CACNA1B: variants seen among roughly 807,000 people sequenced by gnomAD.
CACNA1B encodes voltage-dependent N-type calcium channel subunit alpha-1B.
In CACNA1B, 70 loss-of-function variants were observed where a neutral mutation model predicts 247.2. That is an observed-to-expected ratio of 0.28 (90% CI 0.23 to 0.35). The LOEUF (loss-of-function observed/expected upper bound fraction) is 0.35, where lower values mean the gene tolerates loss of function less well. CACNA1B is among the 10% of genes least tolerant of loss of function. CACNA1B has a pLI of 1.00. For synonymous variants in CACNA1B, 1,231 were observed against 1,294.4 expected, an observed-to-expected ratio of 0.95 and a Z score of 1.05; for missense variants, 2,367 against 3,197.4, an observed-to-expected ratio of 0.74 and a Z score of 6.26.
chr9:138,059,573 C>G lies in CACNA1B; in HGVS notation c.4585-81C>G. 2.4e-6 allele frequency: 2 copies of G among 847,304 alleles called. No individual in the cohort carries two copies. The highest frequency in any genetic ancestry group is 2.8e-5 in the South Asian group (2 of 70,334). 52.5% of individuals were successfully genotyped at this position (847,304 alleles called of 1,614,324 possible). Reference sequence around the variant, plus strand: ...CTATCACCCTCACCGCTTTCTTAATCAGGGCCACCACCTATATATACCTCT... The same window carrying G: ...CTATCACCCTCACCGCTTTCTTAATGAGGGCCACCACCTATATATACCTCT... On this transcript the variant is annotated intron_variant, in intron 30 of 46. Coordinates refer to ENST00000371372, the MANE Select transcript of CACNA1B (RefSeq NM_000718.4). The surrounding 1 kb of genome is among the most constrained non-coding windows in gnomAD (Gnocchi z 4.2).
intron 37 of CACNA1B, among the ~76,000 whole-genome samples, chr9:138,099,023 G>A (rs1453557381): frequency 6.6e-6 from 1 of 152,268 alleles, no homozygotes; most frequent in Non-Finnish European, 1.5e-5. Flanking sequence ...CAGTGATGTA[G>A]TCATTTCCCA....
intron 20 of CACNA1B, among the ~76,000 whole-genome samples, 174 bp from the exon 21 acceptor site, chr9:138,043,600 C>T (rs1185467888): frequency 6.6e-6 from 1 of 152,176 alleles, no homozygotes; most frequent in East Asian, 1.9e-4. Context: ...GTGGTCCTGG[C>T]TGTCGTGCGC....
At chr9:137,928,005 C>T (rs1378119035) in intron 6 of CACNA1B, among the ~76,000 whole-genome samples, 1 of 152,192 alleles carries the variant, frequency 6.6e-6, no homozygotes, top group East Asian at 1.9e-4. Flanking sequence ...ACCTAATTCT[C>T]TTTATGTGTT....
rs1444739725 is a variant in CACNA1B, at chr9:138,012,729, CAAAT to C, written c.2161-397_2161-394del. 6.7e-6 allele frequency among the ~76,000 whole-genome samples: 1 copy of C among 148,814 alleles called. No homozygotes were observed. The highest frequency in any genetic ancestry group is 1.5e-5 in the Non-Finnish European group (1 of 67,098). The stretch of plus-strand genomic sequence containing the variant: ...ACCCTGTCTCTAAAAAAAAAAAAAA[CAAAT>C]AACAAAAAACAAAACAAACAAATGG... On this transcript the variant is annotated intron_variant, in intron 17 of 46. Transcript: ENST00000371372. This position sits in a 1 kb window ranked among gnomAD's most constrained non-coding sequence, Gnocchi z 4.2.
chr9:138,058,974 C>A lies in CACNA1B; in HGVS notation c.4474-105C>A. The A allele has an allele frequency of 1.3e-6, 1 of 754,532 alleles. No homozygotes were observed. Among genetic ancestry groups the A allele is most frequent in the Admixed American group, 2.1e-5 (1 of 48,082 alleles). The allele number at this position is 754,532 out of a possible 1,614,324, so 46.7% of individuals were successfully genotyped here. A position where few individuals can be genotyped will look rare whatever the true frequency, so the allele number is the denominator to read the frequency against. ...CAGGAAGGGGTGTCCCAGGCCTAGG[C>A]AGGCATCGAGTTCTGTCTGCCCGCT... On this transcript the variant is annotated intron_variant, in intron 29 of 46. Coordinates refer to ENST00000371372, the MANE Select transcript of CACNA1B (RefSeq NM_000718.4). This position sits in a 1 kb window ranked among gnomAD's most constrained non-coding sequence, Gnocchi z 4.7.
chr9:138,094,752 GT>G (rs2131340380), intron 36 of CACNA1B, among the ~76,000 whole-genome samples: 1 of 152,288 alleles, frequency 6.6e-6, no homozygotes, highest in South Asian at 2.1e-4. Flanking sequence ...GGCCAATTAA[GT>G]AGAATTGAAA....
intron 6 of CACNA1B, among the ~76,000 whole-genome samples, chr9:137,936,912 G>T (rs554680417): frequency 6.6e-6 from 1 of 152,216 alleles, no homozygotes; most frequent in African/African-American, 2.4e-5. Context: ...GTCAGGTAGC[G>T]TGACGCTTCC....
At position 137,952,319 on chromosome 9, in the gene CACNA1B, CCT is replaced by C; in HGVS notation, c.1016_1017del (p.Leu339HisfsTer88). ...GNTWNWLYFI[P>X]LIIIGSFFML... is the part of the protein sequence containing the mutation. ...CACCTGGAACTGGCTCTACTTCATC[CCT>C]CTCATCATCATCGGCTCCTTCTTCA... On this transcript the variant is annotated frameshift_variant, in exon 7 of 47. Coordinates refer to ENST00000371372, the MANE Select transcript of CACNA1B (RefSeq NM_000718.4). LOFTEE classifies it high-confidence loss of function. This position sits in a 1 kb window ranked among gnomAD's most constrained non-coding sequence, Gnocchi z 4.8. 1 of 1,613,784 alleles carries C rather than the reference CCT, an allele frequency of 6.2e-7. No individual in the cohort carries two copies. The highest frequency in any genetic ancestry group is 8.5e-7 in the Non-Finnish European group (1 of 1,179,806).
In CACNA1B at chr9:138,121,125, CT is replaced by C. The variant is rs1156549954; in HGVS notation, c.6489+247del. On this transcript the variant is annotated intron_variant, in intron 46 of 46. Coordinates refer to ENST00000371372, the MANE Select transcript of CACNA1B (RefSeq NM_000718.4). The surrounding 1 kb of genome is among the most constrained non-coding windows in gnomAD (Gnocchi z 6.8). ...GGACAGTGGTTCTGCGTCCTATCCA[CT>C]TTCGGACCTGGGCCCCCAAATACTT... 6.6e-6 allele frequency among the ~76,000 whole-genome samples: 1 copy of C among 152,168 alleles called. No homozygotes were observed. The highest frequency in any genetic ancestry group is 1.5e-5 in the Non-Finnish European group (1 of 68,018).
rs1277536024 is a variant in CACNA1B at position 137,954,900 on chromosome 9, GA to G, written c.1071-797del. Among the ~76,000 whole-genome samples, 8 of 151,236 alleles carry G rather than the reference GA, an allele frequency of 5.3e-5. No individual in the cohort carries two copies. Among genetic ancestry groups the G allele is most frequent in the Middle Eastern group, 6.8e-3 (2 of 294 alleles). On this transcript the variant is annotated intron_variant, in intron 7 of 46. Coordinates refer to ENST00000371372, the MANE Select transcript of CACNA1B (RefSeq NM_000718.4). The surrounding 1 kb of genome is among the most constrained non-coding windows in gnomAD (Gnocchi z 4.1). ...TGTGTGAGAGAGAGAGAGAGAGAGAGAGGGGGAGAGAGAGAGAGAGAGAATG... is the reference window on the plus strand; with the variant it reads ...TGTGTGAGAGAGAGAGAGAGAGAGAGGGGGGAGAGAGAGAGAGAGAGAATG...
rs890811791 is a variant in CACNA1B at position 137,954,033 on chromosome 9, G to T, written c.1070+1656G>T. Among the ~76,000 whole-genome samples the T allele has an allele frequency of 5.3e-5, 8 of 152,178 alleles. No individual in the cohort carries two copies. The highest frequency in any genetic ancestry group is 9.7e-5 in the African/African-American group (4 of 41,436). On this transcript the variant is annotated intron_variant, in intron 7 of 46. Coordinates refer to ENST00000371372, the MANE Select transcript of CACNA1B (RefSeq NM_000718.4). This position sits in a 1 kb window ranked among gnomAD's most constrained non-coding sequence, Gnocchi z 4.1. The stretch of plus-strand genomic sequence containing the variant: ...GCAGAATAGCCTGAGGGGCTGGAGG[G>T]GAGGCCCAAGGCAGGGCCTGCACGG...
chr9:137,981,190 G>A (rs1046933987), intron 12 of CACNA1B, among the ~76,000 whole-genome samples: 5 of 152,114 alleles, frequency 3.3e-5, no homozygotes, highest in South Asian at 4.1e-4. Context: ...TCTGACTGGC[G>A]TGAGATGATA....
intron 36 of CACNA1B, among the ~76,000 whole-genome samples, chr9:138,079,208 G>A (rs1589115943): frequency 6.6e-6 from 1 of 152,120 alleles, no homozygotes; most frequent in South Asian, 2.1e-4. Context: ...GTTTTAACAA[G>A]CTCTCAAGGT....
rs1405706343 is a variant in CACNA1B, at chr9:138,020,931, AC to A, written c.2268-2079del. 6.6e-6 allele frequency among the ~76,000 whole-genome samples: 1 copy of A among 152,042 alleles called. No individual in the cohort carries two copies. Among genetic ancestry groups the A allele is most frequent in the African/African-American group, 2.4e-5 (1 of 41,396 alleles). On this transcript the variant is annotated intron_variant, in intron 18 of 46. Transcript: ENST00000371372. The surrounding 1 kb of genome is among the most constrained non-coding windows in gnomAD (Gnocchi z 4.1). ...GGTCCTCACTGCCTGTCTTTTTGGA[AC>A]TGCAATGCTGGTCCCCAAGATTCAC...
intron 31 of CACNA1B, among the ~76,000 whole-genome samples, chr9:138,065,674 A>C (rs1198521873): frequency 6.6e-6 from 1 of 152,146 alleles, no homozygotes; most frequent in African/African-American, 2.4e-5. Context: ...TCCGAAACAC[A>C]GACCACATTT....
At position 137,881,181 on chromosome 9, in the gene CACNA1B, A is replaced by G. The variant is rs1396308789; in HGVS notation, c.391-1563A>G. Among the ~76,000 whole-genome samples, 1 of 152,058 alleles carries G rather than the reference A, an allele frequency of 6.6e-6. No individual in the cohort carries two copies. Among genetic ancestry groups the G allele is most frequent in the African/African-American group, 2.4e-5 (1 of 41,398 alleles). On this transcript the variant is annotated intron_variant, in intron 2 of 46. Coordinates refer to ENST00000371372, the MANE Select transcript of CACNA1B (RefSeq NM_000718.4). This position sits in a 1 kb window ranked among gnomAD's most constrained non-coding sequence, Gnocchi z 4.3. ...GTTCCCCTGGGGCAGATGGTCAGCA[A>G]CCCCACCCCTTGGGAAAAGGGGTCC...
intron 12 of CACNA1B, among the ~76,000 whole-genome samples, chr9:137,983,908 G>T: frequency 8.3e-6 from 1 of 119,980 alleles, no homozygotes; most frequent in African/African-American, 3.1e-5. Flanking sequence ...GTGGGGGGTG[G>T]GAGGGAGGGC....
intron 15 of CACNA1B, among the ~76,000 whole-genome samples, chr9:137,996,005 A>T (rs1401487501): frequency 6.6e-6 from 1 of 152,250 alleles, no homozygotes; most frequent in Non-Finnish European, 1.5e-5. Context: ...ATGAAAAATA[A>T]TAGATGTTGG....
At chr9:137,935,613 A>G (rs563572648) in intron 6 of CACNA1B, among the ~76,000 whole-genome samples, 110 of 152,332 alleles carry the variant, frequency 7.2e-4, no homozygotes, top group African/African-American at 2.2e-3. Context: ...CTTTGGGTAT[A>G]TACCCAGTAA....
Sources: allele counts gnomAD v4.1 joint callset (sites outside exome capture counted in the v4.1 genomes callset), GRCh38; gene constraint gnomAD v4.1.1; non-coding constraint Gnocchi (gnomAD v3.1); transcripts MANE v1.5; gene names NCBI Gene and HGNC (gene_info 2026-07-23, HGNC 2026-07-21).